The following FBN2 variants were observed in gnomAD, a reference collection of about 807,000 sequenced individuals.
The protein encoded by FBN2 is fibrillin 2.
In FBN2, 105 loss-of-function variants were observed where a neutral mutation model predicts 355.6. The observed-to-expected ratio is 0.30, with a 90% CI of 0.25 to 0.35. The LOEUF is 0.35. Among genes scored for constraint, FBN2 ranks in the 10% least tolerant of loss-of-function variants. The pLI, the probability that FBN2 is intolerant of heterozygous loss-of-function variation, is 1.00. For synonymous variants in FBN2, 1,350 were observed against 1,301.2 expected, an observed-to-expected ratio of 1.04 and a Z score of -0.81; for missense variants, 3,280 against 3,758.7, an observed-to-expected ratio of 0.87 and a Z score of 3.33.
intron 5 of FBN2, among the ~76,000 whole-genome samples, chr5:128,515,405 G>T (rs1756255084): frequency 6.6e-6 from 1 of 152,106 alleles, no homozygotes; most frequent in Non-Finnish European, 1.5e-5. Flanking sequence ...TCTGCTAAAT[G>T]TCCTGGTTGG....
Position 128,290,892 on chromosome 5 carries a change from A to C in FBN2, c.6293-8T>G. 2 of 1,613,300 alleles carry C rather than the reference A, an allele frequency of 1.2e-6. No homozygotes were observed. The highest frequency in any genetic ancestry group is 1.7e-6 in the Non-Finnish European group (2 of 1,179,304). On this transcript the variant is annotated splice_polypyrimidine_tract_variant and splice_region_variant and intron_variant, in intron 49 of 64. Coordinates refer to ENST00000262464, the MANE Select transcript of FBN2 (RefSeq NM_001999.4). ...AGAAGCTCTGGCGAGTATCTAATCA[A>C]AAAAGCAAACATTACAGATGGAATT...
chr5:128,486,189 C>T (rs1411903612), intron 5 of FBN2, among the ~76,000 whole-genome samples: 9 of 152,010 alleles, frequency 5.9e-5, no homozygotes, highest in East Asian at 1.9e-4. Flanking sequence ...ATCATAAACC[C>T]GTCAAATCTT....
chr5:128,340,687 T>G (rs1171474103), intron 25 of FBN2, among the ~76,000 whole-genome samples: 3 of 152,096 alleles, frequency 2.0e-5, no homozygotes, highest in African/African-American at 7.2e-5. Flanking sequence ...CTTGGGAAAA[T>G]CATTTAGTCT....
intron 7 of FBN2, among the ~76,000 whole-genome samples, chr5:128,440,802 A>C (rs1225874752): frequency 6.6e-6 from 1 of 152,252 alleles, no homozygotes; most frequent in Non-Finnish European, 1.5e-5. Flanking sequence ...AAAATATAAC[A>C]AAAATCCCTT....
At chr5:128,446,673 T>C (rs1754073027) in intron 6 of FBN2, 67 bp from the exon 7 acceptor site, 6 of 1,536,694 alleles carry the variant, frequency 3.9e-6, no homozygotes, top group Non-Finnish European at 5.4e-6. Flanking sequence ...TTTTTTTTAC[T>C]ATAAAAACTT....
At position 128,318,192 on chromosome 5, in the gene FBN2, G is replaced by A. The variant is rs774263090; in HGVS notation, c.4674C>T (p.Cys1558=). ...VNTPGRYECN[C]PPDFQLNPTG... ...TTGGGTTCAACTGAAAATCGGGTGG[G>A]CAGTTACACTCATAGCGACCAGGCG... is the stretch of plus-strand genomic sequence containing the variant. The change falls in exon 36 of 65, where the codon TGC becomes TGT. Residue 1558 remains cysteine (C), a synonymous_variant. Transcript: ENST00000262464. 3 of 1,614,020 alleles carry A rather than the reference G, an allele frequency of 1.9e-6. No individual in the cohort carries two copies. The highest frequency in any genetic ancestry group is 2.5e-6 in the Non-Finnish European group (3 of 1,179,916).
chr5:128,498,748 A>G (rs981411), intron 5 of FBN2, among the ~76,000 whole-genome samples: 50,162 of 152,116 alleles, frequency 0.33, 13,122 homozygotes, highest in African/African-American at 0.73. Context: ...TATAAGTAGT[A>G]CTTAAAAAGT....
chr5:128,366,075 T>C (rs1029275056), intron 17 of FBN2, among the ~76,000 whole-genome samples: 1 of 152,046 alleles, frequency 6.6e-6, no homozygotes, highest in Non-Finnish European at 1.5e-5. Flanking sequence ...TCTTCTTTTT[T>C]TAACTTAAAT....
At chr5:128,513,920 C>T (rs561294307) in intron 5 of FBN2, among the ~76,000 whole-genome samples, 2 of 151,984 alleles carry the variant, frequency 1.3e-5, no homozygotes, top group East Asian at 3.9e-4. Flanking sequence ...AGTTAAGTTC[C>T]CACAGATCTT....
intron 5 of FBN2, among the ~76,000 whole-genome samples, chr5:128,474,962 A>G (rs571040309): frequency 6.6e-6 from 1 of 152,310 alleles, no homozygotes; most frequent in Non-Finnish European, 1.5e-5. Flanking sequence ...AGCATCTATC[A>G]ATAAATCCAT....
intron 48 of FBN2, among the ~76,000 whole-genome samples, chr5:128,297,293 C>G (rs993707764): frequency 2.6e-5 from 4 of 152,006 alleles, no homozygotes; most frequent in African/African-American, 9.7e-5. Flanking sequence ...TGGTGTGGTG[C>G]TGAAAAAAAT....
chr5:128,370,374 G>A (rs1349601692), intron 15 of FBN2, among the ~76,000 whole-genome samples: 2 of 152,014 alleles, frequency 1.3e-5, no homozygotes, highest in Admixed American at 1.3e-4. Context: ...TATGCAAAAT[G>A]GCCATCCAAT....
intron 42 of FBN2, among the ~76,000 whole-genome samples, chr5:128,306,448 C>A (rs1749881552): frequency 1.3e-5 from 2 of 151,960 alleles, no homozygotes; most frequent in South Asian, 4.1e-4. Context: ...GGTGAAACTT[C>A]CATCTCTACT....
intron 5 of FBN2, among the ~76,000 whole-genome samples, chr5:128,477,538 A>T (rs1403433209): frequency 2.0e-5 from 3 of 152,192 alleles, no homozygotes; most frequent in East Asian, 1.9e-4. Context: ...TATATATATA[A>T]AACACAACTA....
chr5:128,530,763 C>A lies in FBN2; in HGVS notation c.338-70G>T, dbSNP rs142201468. 4,548 of 1,033,568 alleles carry A rather than the reference C, an allele frequency of 4.4e-3. 25 individuals are homozygous for A. Among genetic ancestry groups the A allele is most frequent in the Non-Finnish European group, 6.3e-3 (4,186 of 669,660 alleles). The allele number at this position is 1,033,568 out of a possible 1,614,324, so 64.0% of individuals were successfully genotyped here. ...AACCATAGTTTACAAAACAAGAAAG[C>A]TGTATTTAAAAATAAAAAGCCTGAA... On this transcript the variant is annotated intron_variant, in intron 2 of 64. Coordinates refer to ENST00000262464, the MANE Select transcript of FBN2 (RefSeq NM_001999.4).
At position 128,338,061 on chromosome 5, in the gene FBN2, C is replaced by G. The variant is rs771385579; in HGVS notation, c.3534G>C (p.Glu1178Asp). The G allele has an allele frequency of 1.9e-6, 3 of 1,613,826 alleles. No individual in the cohort carries two copies. Among genetic ancestry groups the G allele is most frequent in the Admixed American group, 1.7e-5 (1 of 60,014 alleles). ...LCRGGTCVNT[E>D]GSFQCDCPLG... ...GTGGGCAGTCACACTGAAAGCTGCCCTCAGTGTTCACACAGGTGCCACCCC... is the reference window on the plus strand; with the variant it reads ...GTGGGCAGTCACACTGAAAGCTGCCGTCAGTGTTCACACAGGTGCCACCCC... The change falls in exon 27 of 65, where the codon GAG (glutamate) becomes GAC (aspartate). Residue 1178 changes from glutamate to aspartate, a missense_variant. Physicochemically the swap from Glu to Asp is conservative, Grantham distance 45. Around this residue, in one of 6 missense-constraint regions of FBN2, gnomAD observed 2,284 missense variants for 2,749.5 expected, o/e 0.83. Transcript: ENST00000262464.
chr5:128,501,583 A>G (rs916743877), intron 5 of FBN2, among the ~76,000 whole-genome samples: 2 of 152,226 alleles, frequency 1.3e-5, no homozygotes, highest in African/African-American at 2.4e-5. Context: ...AAATAATGAG[A>G]AAACAAAAGA....
rs545466958 is a variant in FBN2, at chr5:128,404,501, C to T, written c.1078+4173G>A. Reference sequence around the variant, plus strand: ...CTCTTGCTTTATGAGCATCCAGGACCGTAATTCAGTGGCACGACATCATGT... The same window carrying T: ...CTCTTGCTTTATGAGCATCCAGGACTGTAATTCAGTGGCACGACATCATGT... On this transcript the variant is annotated intron_variant, in intron 8 of 64. Transcript: ENST00000262464. Among the ~76,000 whole-genome samples the T allele has an allele frequency of 5.9e-5, 9 of 152,272 alleles. No individual in the cohort carries two copies. In the East Asian group the frequency reaches 1.4e-3, roughly 23 times the overall value.
At chr5:128,303,233 T>A in intron 45 of FBN2, 144 bp from the exon 46 acceptor site, 1 of 654,802 alleles carries the variant, frequency 1.5e-6, no homozygotes, top group East Asian at 2.7e-5. Context: ...GGAAAATGAG[T>A]AAGAGATACG....
Sources: gnomAD v4.1 joint callset for allele counts (sites outside exome capture counted in the v4.1 genomes callset) on GRCh38, gnomAD v4.1.1 for gene constraint, gnomAD v4.1.1 regional missense constraint, MANE v1.5 for transcripts, NCBI Gene and HGNC (gene_info 2026-07-23, HGNC 2026-07-21) for gene names.